The following DUOXA1 variants were observed in gnomAD, a reference collection of about 807,000 sequenced individuals.
The protein encoded by DUOXA1 is dual oxidase maturation factor 1.
DUOXA1 carries 19 observed loss-of-function variants against 26.6 expected under a neutral mutation model. That is an observed-to-expected ratio of 0.71 (90% CI 0.50 to 1.05). DUOXA1 has a LOEUF of 1.05. Among genes scored for constraint, DUOXA1 ranks in the 50% least tolerant of loss-of-function variants. The pLI, the probability that DUOXA1 is intolerant of heterozygous loss-of-function variation, is 0.00. For missense variants in DUOXA1, 403 were observed against 427.5 expected (o/e 0.94, Z 0.51); for synonymous variants, 166 against 177.0 (o/e 0.94, Z 0.49).
At position 45,118,190 on chromosome 15, in the gene DUOXA1, T is replaced by A. The variant is rs572078144; in HGVS notation, c.*916A>T. ...CTTCGCTGGGCTGGAGACAGCCTAG[T>A]ACACTCTCCGCAGTGCTGTGAAACC... On this transcript the variant is annotated 3_prime_UTR_variant, in exon 9 of 9. Coordinates refer to ENST00000560572, the MANE Select transcript of DUOXA1 (RefSeq NM_001276266.2). The A allele has an allele frequency of 1.4e-6, 2 of 1,431,806 alleles. No homozygotes were observed. The highest frequency in any genetic ancestry group is 2.5e-5 in the East Asian group (1 of 39,928). 88.7% of individuals were successfully genotyped at this position (1,431,806 alleles called of 1,614,324 possible).
rs981156670 is a variant in DUOXA1, at chr15:45,118,764, TG to T, written c.*341del. 4.9e-5 allele frequency: 51 copies of T among 1,035,014 alleles called. No homozygotes were observed. The African/African-American group carries it at 8.5e-4, about 17-fold the overall frequency. 64.1% of individuals were successfully genotyped at this position (1,035,014 alleles called of 1,614,324 possible). A position where few individuals can be genotyped will look rare whatever the true frequency, so the allele number is the denominator to read the frequency against. Reference sequence around the variant, plus strand: ...GAATCATATGTAACCCCCACCCTGCTGGTGTTATGGGGGTGAAGTTAGGTTT... The same window carrying T: ...GAATCATATGTAACCCCCACCCTGCTGTGTTATGGGGGTGAAGTTAGGTTT... On this transcript the variant is annotated 3_prime_UTR_variant, in exon 9 of 9. Transcript: ENST00000560572.
At position 45,120,261 on chromosome 15, in the gene DUOXA1, T is replaced by C. The variant is rs988035611; in HGVS notation, c.614A>G (p.Tyr205Cys). ...CGTGGCCAATAGCATGTAGCCACCA[T>C]ATACCAGCACAGGCATGGAGAGCAT... ...NVMLSMPVLV[Y>C]GGYMLLATGI... is the part of the protein sequence containing the mutation. The change falls in exon 8 of 9, where the codon TAT (tyrosine) becomes TGT (cysteine). Residue 205 changes from tyrosine to cysteine, a missense_variant. Tyr to Cys is a radical substitution (Grantham distance 194). Coordinates refer to ENST00000560572, the MANE Select transcript of DUOXA1 (RefSeq NM_001276266.2). 5.0e-6 allele frequency: 8 copies of C among 1,614,078 alleles called. No homozygotes were observed. The highest frequency in any genetic ancestry group is 5.9e-6 in the Non-Finnish European group (7 of 1,180,004).
rs141177699 is a variant in DUOXA1, at chr15:45,117,657, C to T, written c.*1449G>A. On this transcript the variant is annotated 3_prime_UTR_variant, in exon 9 of 9. Coordinates refer to ENST00000560572, the MANE Select transcript of DUOXA1 (RefSeq NM_001276266.2). ...TTTGAGGCCAGAGTTCGAGACCAGC[C>T]TGGGCAACATAGCCCTGACTCCACA... 3.7e-6 allele frequency: 6 copies of T among 1,613,714 alleles called. No homozygotes were observed. Among genetic ancestry groups the T allele is most frequent in the Non-Finnish European group, 5.1e-6 (6 of 1,179,920 alleles).
chr15:45,124,291 A>G (rs1895493490), intron 3 of DUOXA1, among the ~76,000 whole-genome samples: 1 of 152,166 alleles, frequency 6.6e-6, no homozygotes, highest in Non-Finnish European at 1.5e-5. Context: ...AAAATTTGAG[A>G]TAGTAATGTC....
At position 45,119,421 on chromosome 15, in the gene DUOXA1, T is replaced by C. The variant is rs529146677; in HGVS notation, c.773-56A>G. 2.9e-4 allele frequency: 445 copies of C among 1,526,366 alleles called. 4 individuals are homozygous for C. In the South Asian group the frequency reaches 5.1e-3, roughly 18 times the overall value. 94.6% of individuals were successfully genotyped at this position (1,526,366 alleles called of 1,614,324 possible). Reference sequence around the variant, plus strand: ...TAGTGCTAGTAACACCTGCCGAGGATATCTTCCCCTGGGAGTGTCAGAACA... The same window carrying C: ...TAGTGCTAGTAACACCTGCCGAGGACATCTTCCCCTGGGAGTGTCAGAACA... On this transcript the variant is annotated intron_variant, in intron 8 of 8. Transcript: ENST00000560572.
At chr15:45,121,300 A>AG (rs1459859552) in intron 5 of DUOXA1, 79 bp from the exon 6 acceptor site, 58 of 1,601,108 alleles carry the variant, frequency 3.6e-5, no homozygotes, top group Non-Finnish European at 5.0e-5. Flanking sequence ...GAGAAATACA[A>AG]GGGGTCCATG....
In DUOXA1 at chr15:45,120,618, C is replaced by T. The variant is rs779521829; in HGVS notation, c.528G>A (p.Ala176=). 41 of 1,614,018 alleles carry T rather than the reference C, an allele frequency of 2.5e-5. No individual in the cohort carries two copies. The highest frequency in any genetic ancestry group is 3.3e-5 in the South Asian group (3 of 91,086). ...ATAGCATGGCTGAGGTGTAGTGTCCCGCCAGGCGGTACTGGCGGTATAGGC... is the reference window on the plus strand; with the variant it reads ...ATAGCATGGCTGAGGTGTAGTGTCCTGCCAGGCGGTACTGGCGGTATAGGC... The part of the protein sequence containing the change: ...PCGLYRQYRL[A]GHYTSAMLWV... The change falls in exon 7 of 9, where the codon GCG becomes GCA. Residue 176 remains alanine, a synonymous_variant. Coordinates refer to ENST00000560572, the MANE Select transcript of DUOXA1 (RefSeq NM_001276266.2).
intron 3 of DUOXA1, among the ~76,000 whole-genome samples, chr15:45,127,488 A>T (rs1020886541): frequency 2.0e-5 from 3 of 152,248 alleles, no homozygotes; most frequent in South Asian, 2.1e-4. Context: ...CAGTTGGTAA[A>T]TGAAATTTGC....
intron 3 of DUOXA1, among the ~76,000 whole-genome samples, chr15:45,127,396 G>C (rs543952674): frequency 2.0e-4 from 30 of 152,012 alleles, no homozygotes; most frequent in African/African-American, 7.2e-4. Context: ...AAGGCTTTTC[G>C]TATTTTAAGT....
Position 45,120,633 on chromosome 15 carries a change from G to A in DUOXA1, c.513C>T (p.Arg171=). 6.2e-7 allele frequency: 1 copy of A among 1,614,148 alleles called. No homozygotes were observed. The highest frequency in any genetic ancestry group is 8.5e-7 in the Non-Finnish European group (1 of 1,180,012). ...TGTAGTGTCCCGCCAGGCGGTACTG[G>A]CGGTATAGGCCACATGGGCTTCTTG... ...FTPRSPCGLY[R]QYRLAGHYTS... The change falls in exon 7 of 9, where the codon CGC becomes CGT. Residue 171 remains arginine (R), a synonymous_variant. Coordinates refer to ENST00000560572, the MANE Select transcript of DUOXA1 (RefSeq NM_001276266.2).
At chr15:45,124,591 C>A (rs1895519972) in intron 3 of DUOXA1, among the ~76,000 whole-genome samples, 1 of 152,190 alleles carries the variant, frequency 6.6e-6, no homozygotes, top group South Asian at 2.1e-4. Context: ...TTCACTGCAA[C>A]CTCCGCCTCC....
chr15:45,119,403 A>G (rs752326275), intron 8 of DUOXA1, 38 bp from the exon 9 acceptor site: 3 of 1,565,272 alleles, frequency 1.9e-6, no homozygotes, highest in Non-Finnish European at 1.7e-6. Flanking sequence ...CCTTAGTGCT[A>G]GTAACACCTG....
At chr15:45,119,800 G>A (rs1322326117) in intron 8 of DUOXA1, among the ~76,000 whole-genome samples, 1 of 152,000 alleles carries the variant, frequency 6.6e-6, no homozygotes, top group African/African-American at 2.4e-5. Flanking sequence ...CCAGAGAAGG[G>A]TATTTGGAGG....
intron 3 of DUOXA1, among the ~76,000 whole-genome samples, chr15:45,124,441 TTTTTA>T (rs751397949): frequency 1.3e-5 from 2 of 152,206 alleles, no homozygotes; most frequent in African/African-American, 2.4e-5. Flanking sequence ...TCAATCTCTT[TTTTTA>T]TTTTAAGTAA....
Position 45,118,601 on chromosome 15 carries a change from G to A in DUOXA1, c.*505C>T. 6 of 990,576 alleles carry A rather than the reference G, an allele frequency of 6.1e-6. No homozygotes were observed. The South Asian group carries it at 2.8e-4, about 46-fold the overall frequency. 61.4% of individuals were successfully genotyped at this position (990,576 alleles called of 1,614,324 possible). On this transcript the variant is annotated 3_prime_UTR_variant, in exon 9 of 9. Coordinates refer to ENST00000560572, the MANE Select transcript of DUOXA1 (RefSeq NM_001276266.2). ...GTTAATGTTAGACCTAGGATGAGAA[G>A]TTTGGTTTCCCCTCCTTTCCAGTGC...
Position 45,117,457 on chromosome 15 carries a change from T to C in DUOXA1, c.*1649A>G, listed in dbSNP as rs1367513889. 6.5e-7 allele frequency: 1 copy of C among 1,545,784 alleles called. No homozygotes were observed. Among genetic ancestry groups the C allele is most frequent in the African/African-American group, 1.4e-5 (1 of 72,936 alleles). On this transcript the variant is annotated 3_prime_UTR_variant, in exon 9 of 9. Coordinates refer to ENST00000560572, the MANE Select transcript of DUOXA1 (RefSeq NM_001276266.2). ...GAAACAGGCACTGTTATGACCATTT[T>C]ACAGATGAAAAGTGGGGGGCTCAGA... is the stretch of plus-strand genomic sequence containing the variant.
intron 8 of DUOXA1, 76 bp downstream of exon 8, chr15:45,120,027 T>A: frequency 6.5e-7 from 1 of 1,548,090 alleles, no homozygotes; most frequent in South Asian, 1.1e-5. Flanking sequence ...CCCTCAACTC[T>A]ACCGACATGA....
At chr15:45,128,699 G>T (rs1895894402) in intron 3 of DUOXA1, 1 of 152,232 alleles carries the variant, frequency 6.6e-6, no homozygotes, top group African/African-American at 2.4e-5. Context: ...GGCTGATGTG[G>T]ATAAGGAATT....
intron 3 of DUOXA1, 60 bp from the exon 4 acceptor site, chr15:45,123,103 T>C: frequency 6.8e-7 from 1 of 1,463,612 alleles, no homozygotes; most frequent in Non-Finnish European, 9.1e-7. Context: ...CTGTTTTTAG[T>C]GCTGGAGATA....
Sources: gnomAD v4.1 joint callset for allele counts (sites outside exome capture counted in the v4.1 genomes callset) on GRCh38, gnomAD v4.1.1 for gene constraint, MANE v1.5 for transcripts, NCBI Gene and HGNC (gene_info 2026-07-23, HGNC 2026-07-21) for gene names.